The following CNN3 variants were observed in gnomAD, a reference collection of about 807,000 sequenced individuals.
The protein encoded by CNN3 is calponin 3, also known as calponin-3.
In CNN3, 11 loss-of-function variants were observed where a neutral mutation model predicts 39.0. The observed-to-expected ratio is 0.28, with a 90% CI of 0.18 to 0.47. The LOEUF (loss-of-function observed/expected upper bound fraction) is 0.47. CNN3 is among the 20% of genes least tolerant of loss of function. The probability of loss-of-function intolerance (pLI) is 0.99; values close to 1 mark genes in which losing one functional copy is unlikely to be tolerated. For synonymous variants in CNN3, 101 were observed against 138.3 expected (o/e 0.73, Z 1.89); for missense variants, 266 against 403.4 (o/e 0.66, Z 2.92).
At chr1:94,906,558 G>C (rs574247069) in intron 1 of CNN3, among the ~76,000 whole-genome samples, 1 of 152,264 alleles carries the variant, frequency 6.6e-6, no homozygotes, top group Admixed American at 6.5e-5. Context: ...GGTGAGAGGA[G>C]TTCTGCCTTG....
rs576317063 is a variant in CNN3, at chr1:94,903,317, C to T, written c.179+86G>A. ...ATATCTGTAGAATATCAAGGTCTGACACCCTGGGCTGAGAAGGAGAGTGAG... is the reference window on the plus strand; with the variant it reads ...ATATCTGTAGAATATCAAGGTCTGATACCCTGGGCTGAGAAGGAGAGTGAG... On this transcript the variant is annotated intron_variant, in intron 2 of 6. Coordinates refer to ENST00000370206, the MANE Select transcript of CNN3 (RefSeq NM_001839.5). The T allele has an allele frequency of 1.1e-4, 163 of 1,542,408 alleles. No individual in the cohort carries two copies. The African/African-American group carries it at 1.9e-3, about 18-fold the overall frequency.
intron 6 of CNN3, among the ~76,000 whole-genome samples, chr1:94,898,981 A>T (rs1281597138): frequency 6.6e-6 from 1 of 152,090 alleles, no homozygotes; most frequent in Non-Finnish European, 1.5e-5. Flanking sequence ...ATATTGACAC[A>T]TCTAATAGGA....
At chr1:94,903,289 A>C (rs1670914980) in intron 2 of CNN3, 101 bp from the exon 3 acceptor site, 1 of 1,553,850 alleles carries the variant, frequency 6.4e-7, no homozygotes. Flanking sequence ...GAAAGCATTA[A>C]AGATATCTGT....
chr1:94,899,611 G>A, intron 5 of CNN3, 94 bp from the exon 6 acceptor site: 2 of 1,307,806 alleles, frequency 1.5e-6, no homozygotes, highest in East Asian at 2.5e-5. Flanking sequence ...AAGACAGAAG[G>A]GGCACAACCG....
At chr1:94,918,587 G>A (rs185728128) in intron 1 of CNN3, among the ~76,000 whole-genome samples, 61 of 151,110 alleles carry the variant, frequency 4.0e-4, no homozygotes, top group Admixed American at 1.1e-3. Context: ...AAAGCGCATT[G>A]CCAGCACAGT....
Position 94,926,915 on chromosome 1 carries a change from G to A in CNN3, c.-21C>T. On this transcript the variant is annotated 5_prime_UTR_variant, in exon 1 of 7. Transcript: ENST00000370206. The surrounding 1 kb of genome is among the most constrained non-coding windows in gnomAD (Gnocchi z 4.2). ...GTCATGGTGGTTCGGGCGGCGGGAA[G>A]AGACAGCGCTGGGGTCCGGGGTCTC... 1 of 1,606,532 alleles carries A rather than the reference G, an allele frequency of 6.2e-7. No homozygotes were observed. The highest frequency in any genetic ancestry group is 8.5e-7 in the Non-Finnish European group (1 of 1,176,172).
In CNN3 at chr1:94,927,018, G is replaced by T; in HGVS notation, c.-124C>A. On this transcript the variant is annotated 5_prime_UTR_variant, in exon 1 of 7. Coordinates refer to ENST00000370206, the MANE Select transcript of CNN3 (RefSeq NM_001839.5). ...GCTCGAACTCCCTCCTCTGGGAGGCGCAGGAGACGGCCGCGGGGCGCGGGC... is the reference window on the plus strand; with the variant it reads ...GCTCGAACTCCCTCCTCTGGGAGGCTCAGGAGACGGCCGCGGGGCGCGGGC... 1 of 1,055,356 alleles carries T rather than the reference G, an allele frequency of 9.5e-7. No individual in the cohort carries two copies. Among genetic ancestry groups the T allele is most frequent in the Non-Finnish European group, 1.4e-6 (1 of 732,174 alleles). The allele number at this position is 1,055,356 out of a possible 1,614,324, so 65.4% of individuals were successfully genotyped here. A position where few individuals can be genotyped will look rare whatever the true frequency, so the allele number is the denominator to read the frequency against.
chr1:94,921,414 AG>A (rs1338512648), intron 1 of CNN3, among the ~76,000 whole-genome samples: 1 of 152,172 alleles, frequency 6.6e-6, no homozygotes, highest in African/African-American at 2.4e-5. Context: ...AAAAAGAGAG[AG>A]AAGAAAATGC....
At chr1:94,901,570 T>A in intron 5 of CNN3, 99 bp downstream of exon 5, 1 of 754,088 alleles carries the variant, frequency 1.3e-6, no homozygotes, top group Non-Finnish European at 2.3e-6. Flanking sequence ...CCCAGTACTA[T>A]AGTACTTCTG....
At chr1:94,901,871 G>C (rs2101718646) in intron 4 of CNN3, 86 bp from the exon 5 acceptor site, 1 of 942,030 alleles carries the variant, frequency 1.1e-6, no homozygotes, top group East Asian at 2.5e-5. Context: ...CATAGACAAA[G>C]GGGCCCAAAC....
intron 1 of CNN3, chr1:94,924,175 T>A (rs191451643): frequency 1.5e-4 from 23 of 152,344 alleles, no homozygotes; most frequent in African/African-American, 5.5e-4. Flanking sequence ...TATACCCACC[T>A]TTCACCCGGG....
chr1:94,904,750 C>A (rs895885514), intron 1 of CNN3, among the ~76,000 whole-genome samples: 3 of 136,622 alleles, frequency 2.2e-5, no homozygotes, highest in Admixed American at 7.5e-5. Flanking sequence ...CTGTCTCCCG[C>A]CCCACTGCCA....
At chr1:94,905,331 T>C (rs1310797771) in intron 1 of CNN3, among the ~76,000 whole-genome samples, 1 of 152,186 alleles carries the variant, frequency 6.6e-6, no homozygotes, top group Non-Finnish European at 1.5e-5. Context: ...CCAGGTCAAG[T>C]AGGTGGAAAT....
At chr1:94,913,298 G>A (rs534546896) in intron 1 of CNN3, among the ~76,000 whole-genome samples, 5 of 152,246 alleles carry the variant, frequency 3.3e-5, no homozygotes, top group African/African-American at 7.2e-5. Flanking sequence ...TATAAGAAAC[G>A]GGTGCGCATG....
At position 94,927,054 on chromosome 1, in the gene CNN3, C is replaced by A; in HGVS notation, c.-160G>T. The A allele has an allele frequency of 1.4e-6, 1 of 694,990 alleles. No individual in the cohort carries two copies. The highest frequency in any genetic ancestry group is 1.9e-5 in the South Asian group (1 of 51,890). The allele number at this position is 694,990 out of a possible 1,614,324, so 43.1% of individuals were successfully genotyped here. Reference sequence around the variant, plus strand: ...CCGCGGGGCGCGGGCGGTGCCTGGGCGACTGGGTCCAACTGGGTGCTACAG... The same window carrying A: ...CCGCGGGGCGCGGGCGGTGCCTGGGAGACTGGGTCCAACTGGGTGCTACAG... On this transcript the variant is annotated 5_prime_UTR_variant, in exon 1 of 7. Coordinates refer to ENST00000370206, the MANE Select transcript of CNN3 (RefSeq NM_001839.5).
At chr1:94,925,598 C>G in intron 1 of CNN3, 1 of 985,376 alleles carries the variant, frequency 1.0e-6, no homozygotes. Context: ...AGCCACAACT[C>G]TCCCTTGGGG....
At chr1:94,911,221 G>A (rs1032134805) in intron 1 of CNN3, among the ~76,000 whole-genome samples, 3 of 152,166 alleles carry the variant, frequency 2.0e-5, no homozygotes, top group Admixed American at 6.5e-5. Flanking sequence ...TCCATGGCAC[G>A]AACGTGCTAA....
At chr1:94,900,926 A>C (rs1289056841) in intron 5 of CNN3, among the ~76,000 whole-genome samples, 2 of 152,172 alleles carry the variant, frequency 1.3e-5, no homozygotes, top group East Asian at 3.8e-4. Context: ...GGAATTTATA[A>C]AGTACATTTC....
chr1:94,908,398 T>C (rs1319457313), intron 1 of CNN3, among the ~76,000 whole-genome samples: 2 of 152,218 alleles, frequency 1.3e-5, no homozygotes, highest in African/African-American at 4.8e-5. Context: ...GAGCTTCCCT[T>C]GGCTCTCTCC....
Sources: allele counts gnomAD v4.1 joint callset (sites outside exome capture counted in the v4.1 genomes callset), GRCh38; gene constraint gnomAD v4.1.1; non-coding constraint Gnocchi (gnomAD v3.1); transcripts MANE v1.5; gene names NCBI Gene and HGNC (gene_info 2026-07-23, HGNC 2026-07-21).